The following PPT2 variants were observed in gnomAD, a reference collection of about 807,000 sequenced individuals.
The protein encoded by PPT2 is palmitoyl-protein thioesterase 2.
Under a neutral mutation model 37.3 loss-of-function variants are expected in PPT2, and 20 were observed. The ratio of observed to expected loss-of-function variants is 0.54; its 90% confidence interval spans 0.38 to 0.78. The LOEUF is 0.78. Ranked by LOEUF, PPT2 falls within the 30% of genes least tolerant of loss-of-function variation. The pLI is 0.00. For synonymous variants in PPT2, 135 were observed against 159.1 expected, an observed-to-expected ratio of 0.85 and a Z score of 1.14; for missense variants, 270 against 389.8, an observed-to-expected ratio of 0.69 and a Z score of 2.59.
chr6:32,155,634 G>A lies in PPT2; in HGVS notation c.338-54G>A. ...TGTGTGTGTGGTGGGGGTGGGGGGT[G>A]CTGCTGGCTTTGCTGTCCTTAAGTG... On this transcript the variant is annotated intron_variant, in intron 3 of 8. Transcript: ENST00000324816. The surrounding 1 kb of genome is among the most constrained non-coding windows in gnomAD (Gnocchi z 4.3). 2 of 1,319,536 alleles carry A rather than the reference G, an allele frequency of 1.5e-6. No individual in the cohort carries two copies. The highest frequency in any genetic ancestry group is 2.2e-6 in the Non-Finnish European group (2 of 916,838). The allele number at this position is 1,319,536 out of a possible 1,614,324, so 81.7% of individuals were successfully genotyped here. A position where few individuals can be genotyped will look rare whatever the true frequency, so the allele number is the denominator to read the frequency against.
At position 32,162,054 on chromosome 6, in the gene PPT2, G is replaced by A. The variant is rs1784196830; in HGVS notation, c.711-514G>A. Among the ~76,000 whole-genome samples the A allele has an allele frequency of 6.6e-6, 1 of 152,016 alleles. No homozygotes were observed. Among genetic ancestry groups the A allele is most frequent in the Non-Finnish European group, 1.5e-5 (1 of 68,018 alleles). ...TTTGATGGGGTTTCTACAGAAGTGA[G>A]GTCGTATCTTCAGTGTATCACCTCA... On this transcript the variant is annotated intron_variant, in intron 7 of 8. Transcript: ENST00000324816. The surrounding 1 kb of genome is among the most constrained non-coding windows in gnomAD (Gnocchi z 5.5).
rs779206910 is a variant in PPT2 at position 32,154,697 on chromosome 6, T to A, written c.103T>A (p.Ser35Thr). ...TGCAGCCCCCGCGCCCCACCGCGCGTCCTACAAGCCGGTCATCGTGGTGCA... is the reference window on the plus strand; with the variant it reads ...TGCAGCCCCCGCGCCCCACCGCGCGACCTACAAGCCGGTCATCGTGGTGCA... The part of the protein sequence containing the change: ...LLAAPAPHRA[S>T]YKPVIVVHGL... Residue 35 changes from serine to threonine, a missense_variant, in exon 2 of 9, where the codon TCC (serine) becomes ACC (threonine). Physicochemically the swap from Ser to Thr is moderately conservative, Grantham distance 58. Transcript: ENST00000324816. The surrounding 1 kb of genome is among the most constrained non-coding windows in gnomAD (Gnocchi z 7.3). 1.2e-6 allele frequency: 2 copies of A among 1,613,072 alleles called. No homozygotes were observed. Among genetic ancestry groups the A allele is most frequent in the Admixed American group, 3.3e-5 (2 of 60,022 alleles).
chr6:32,154,056 G>A (rs1333383457), upstream of PPT2: 3 of 1,115,350 alleles, frequency 2.7e-6, no homozygotes, highest in Admixed American at 4.6e-5. This position sits in a 1 kb window ranked among gnomAD's most constrained non-coding sequence, Gnocchi z 7.3. Flanking sequence ...TGTGTTGCGG[G>A]GAACGCTCGC....
At chr6:32,160,122 G>A (rs1363733594) in intron 7 of PPT2, among the ~76,000 whole-genome samples, 1 of 151,672 alleles carries the variant, frequency 6.6e-6, no homozygotes, top group African/African-American at 2.4e-5. Flanking sequence ...TCGGCTCACT[G>A]CAAGCTCTGC....
At position 32,163,170 on chromosome 6, in the gene PPT2, C is replaced by A; in HGVS notation, c.*220C>A. The A allele has an allele frequency of 1.7e-6, 1 of 580,662 alleles. No homozygotes were observed. The highest frequency in any genetic ancestry group is 3.0e-6 in the Non-Finnish European group (1 of 332,578). The allele number at this position is 580,662 out of a possible 1,614,324, so 36.0% of individuals were successfully genotyped here. On this transcript the variant is annotated 3_prime_UTR_variant, in exon 9 of 9. Transcript: ENST00000324816. ...ATTCCAGGCCTCCCCTACCTCATGT[C>A]CTCTCATTTGGGGGATTGCTCCGTG...
chr6:32,154,480 C>T lies in PPT2; in HGVS notation c.-9+76C>T. The stretch of plus-strand genomic sequence containing the variant: ...GTTAAAAGTAGGCTATTTTGTGACA[C>T]GGACCTGGTGTGGGAGCGAGAGGAG... On this transcript the variant is annotated intron_variant, in intron 1 of 8. Transcript: ENST00000324816. This position sits in a 1 kb window ranked among gnomAD's most constrained non-coding sequence, Gnocchi z 7.3. 3 of 1,502,056 alleles carry T rather than the reference C, an allele frequency of 2.0e-6. No individual in the cohort carries two copies. The highest frequency in any genetic ancestry group is 8.9e-7 in the Non-Finnish European group (1 of 1,127,724). 93.0% of individuals were successfully genotyped at this position (1,502,056 alleles called of 1,614,324 possible). A position where few individuals can be genotyped will look rare whatever the true frequency, so the allele number is the denominator to read the frequency against.
At chr6:32,153,623 C>A, upstream of PPT2, 1 of 1,451,322 alleles carries the variant, frequency 6.9e-7, no homozygotes, top group Non-Finnish European at 9.2e-7. The surrounding 1 kb of genome is among the most constrained non-coding windows in gnomAD (Gnocchi z 4.4). Context: ...ACACGCACTT[C>A]AGAATGAAGA....
In PPT2 at chr6:32,154,366, C is replaced by G. The variant is rs1783582220; in HGVS notation, c.-47C>G. ...TCCTGGACCTAGAGAACAAGTCCCC[C>G]GAACGCTGAGTTGGAGGCGGGACTT... On this transcript the variant is annotated 5_prime_UTR_variant, in exon 1 of 9. Coordinates refer to ENST00000324816, the MANE Select transcript of PPT2 (RefSeq NM_005155.7). This position sits in a 1 kb window ranked among gnomAD's most constrained non-coding sequence, Gnocchi z 7.3. The G allele has an allele frequency of 7.0e-7, 1 of 1,423,452 alleles. No homozygotes were observed. Among genetic ancestry groups the G allele is most frequent in the Non-Finnish European group, 9.1e-7 (1 of 1,093,350 alleles). 88.2% of individuals were successfully genotyped at this position (1,423,452 alleles called of 1,614,324 possible).
At chr6:32,159,493 C>G (rs781665601) in intron 7 of PPT2, among the ~76,000 whole-genome samples, 109 of 142,802 alleles carry the variant, frequency 7.6e-4, no homozygotes, top group Non-Finnish European at 1.4e-3. Context: ...TATTTCCCGA[C>G]AGTCCCGGTA....
chr6:32,154,896 T>C lies in PPT2; in HGVS notation c.183+119T>C. The C allele has an allele frequency of 6.5e-7, 1 of 1,528,730 alleles. No homozygotes were observed. Among genetic ancestry groups the C allele is most frequent in the Non-Finnish European group, 8.9e-7 (1 of 1,122,120 alleles). 94.7% of individuals were successfully genotyped at this position (1,528,730 alleles called of 1,614,324 possible). A position where few individuals can be genotyped will look rare whatever the true frequency, so the allele number is the denominator to read the frequency against. On this transcript the variant is annotated intron_variant, in intron 2 of 8. Coordinates refer to ENST00000324816, the MANE Select transcript of PPT2 (RefSeq NM_005155.7). This position sits in a 1 kb window ranked among gnomAD's most constrained non-coding sequence, Gnocchi z 7.3. ...GCCCAGTTCCTCAGGGAGCTGGTGC[T>C]GGCGTGGGGGAGAGTTGGGGGACGG...
intron 7 of PPT2, among the ~76,000 whole-genome samples, chr6:32,159,705 T>C (rs1345838122): frequency 6.6e-6 from 1 of 151,542 alleles, no homozygotes; most frequent in South Asian, 2.1e-4. Context: ...TTTTTCATGT[T>C]CCAAGTCACT....
chr6:32,157,990 C>T, intron 7 of PPT2, 66 bp downstream of exon 7: 1 of 1,387,100 alleles, frequency 7.2e-7, no homozygotes, highest in Non-Finnish European at 1.0e-6. Flanking sequence ...TGGTCTTTAT[C>T]TCATGCCTAA....
At chr6:32,158,043 C>T (rs1163342559) in intron 7 of PPT2, 119 bp downstream of exon 7, 7 of 874,970 alleles carry the variant, frequency 8.0e-6, no homozygotes, top group African/African-American at 3.4e-5. Flanking sequence ...CTCCTCCCCC[C>T]ATTCATCATG....
At chr6:32,159,451 A>AATAT (rs1169913404) in intron 7 of PPT2, among the ~76,000 whole-genome samples, 5 of 115,116 alleles carry the variant, frequency 4.3e-5, no homozygotes, top group South Asian at 2.7e-4. Flanking sequence ...AAAAAAAAAA[A>AATAT]ATATATATAT....
Position 32,155,306 on chromosome 6 carries a change from GC to G in PPT2, c.337+126del. ...CTCCAGGCACAACCCTGGTACCTGA[GC>G]CCTTCCTTTCTGACTTCCCTCAGCA... is the stretch of plus-strand genomic sequence containing the variant. On this transcript the variant is annotated intron_variant, in intron 3 of 8. Transcript: ENST00000324816. The surrounding 1 kb of genome is among the most constrained non-coding windows in gnomAD (Gnocchi z 4.3). 8.4e-7 allele frequency: 1 copy of G among 1,195,382 alleles called. No homozygotes were observed. The highest frequency in any genetic ancestry group is 2.3e-5 in the Admixed American group (1 of 43,530). 74.0% of individuals were successfully genotyped at this position (1,195,382 alleles called of 1,614,324 possible).
chr6:32,153,557 T>C, upstream of PPT2: 2 of 1,548,196 alleles, frequency 1.3e-6, no homozygotes, highest in South Asian at 2.4e-5. The surrounding 1 kb of genome is among the most constrained non-coding windows in gnomAD (Gnocchi z 4.4). Context: ...TGGGCCAGGC[T>C]GCACTTAGCT....
At position 32,154,225 on chromosome 6, in the gene PPT2, G is replaced by T; in HGVS notation, c.-188G>T. 8.6e-7 allele frequency: 1 copy of T among 1,165,538 alleles called. No homozygotes were observed. The highest frequency in any genetic ancestry group is 1.1e-6 in the Non-Finnish European group (1 of 944,074). 72.2% of individuals were successfully genotyped at this position (1,165,538 alleles called of 1,614,324 possible). ...GGGATAAGTAAACAGCGGGTGGAGC[G>T]AGGCCTACGGACCCAGGCCAGGTGG... On this transcript the variant is annotated 5_prime_UTR_variant, in exon 1 of 9. Transcript: ENST00000324816. The surrounding 1 kb of genome is among the most constrained non-coding windows in gnomAD (Gnocchi z 7.3).
In PPT2 at chr6:32,156,084, A is replaced by G; in HGVS notation, c.541+106A>G. 1.1e-6 allele frequency: 1 copy of G among 930,976 alleles called. No individual in the cohort carries two copies. The highest frequency in any genetic ancestry group is 1.7e-6 in the Non-Finnish European group (1 of 593,498). 57.7% of individuals were successfully genotyped at this position (930,976 alleles called of 1,614,324 possible). A position where few individuals can be genotyped will look rare whatever the true frequency, so the allele number is the denominator to read the frequency against. ...CAATAAAGATAACTTACATTTATTG[A>G]GTTATTTGAACAGGCTCTGTTCAGA... On this transcript the variant is annotated intron_variant, in intron 5 of 8. Transcript: ENST00000324816. This position sits in a 1 kb window ranked among gnomAD's most constrained non-coding sequence, Gnocchi z 4.9.
At chr6:32,157,525 A>G in intron 5 of PPT2, 112 bp from the exon 6 acceptor site, 1 of 906,534 alleles carries the variant, frequency 1.1e-6, no homozygotes, top group Non-Finnish European at 1.8e-6. Flanking sequence ...CATTATCACT[A>G]CTATTTTATT....
Sources: gnomAD v4.1 joint callset for allele counts (sites outside exome capture counted in the v4.1 genomes callset) on GRCh38, gnomAD v4.1.1 for gene constraint, Gnocchi (gnomAD v3.1) non-coding constraint, MANE v1.5 for transcripts, NCBI Gene and HGNC (gene_info 2026-07-23, HGNC 2026-07-21) for gene names.